Variants in SHANK2 observed in about 807,000 individuals in gnomAD.
SHANK2 encodes SH3 and multiple ankyrin repeat domains 2.
In SHANK2, 43 loss-of-function variants were observed where a neutral mutation model predicts 133.7. The ratio of observed to expected loss-of-function variants is 0.32; its 90% CI spans 0.25 to 0.41. SHANK2 has a LOEUF of 0.41. Among genes scored for constraint, SHANK2 ranks in the 10% least tolerant of loss-of-function variants. The pLI is 1.00. For missense variants in SHANK2, 1,994 were observed against 2,235.8 expected (o/e 0.89, Z 2.18); for synonymous variants, 1,017 against 952.8 (o/e 1.07, Z -1.24).
chr11:70,617,483 ATTTG>A (rs2060765719), intron 17 of SHANK2, among the ~76,000 whole-genome samples: 2 of 89,032 alleles, frequency 2.2e-5, no homozygotes, highest in African/African-American at 7.5e-5. Context: ...GGTGGAGCAG[ATTTG>A]TCAAAACGGG....
intron 17 of SHANK2, among the ~76,000 whole-genome samples, chr11:70,643,913 G>T (rs1555007272): frequency 1.3e-5 from 2 of 151,686 alleles, no homozygotes; most frequent in Non-Finnish European, 2.9e-5. Context: ...GGGACTGCAG[G>T]TGGAGGGGGG....
chr11:70,584,288 G>A (rs951597531), intron 17 of SHANK2, among the ~76,000 whole-genome samples: 11 of 152,134 alleles, frequency 7.2e-5, no homozygotes, highest in African/African-American at 2.7e-4. Context: ...TCTGTGTTCC[G>A]ATCCCGTGTG....
chr11:70,776,474 A>T (rs1947366954), intron 14 of SHANK2, among the ~76,000 whole-genome samples: 1 of 152,146 alleles, frequency 6.6e-6, no homozygotes, highest in Non-Finnish European at 1.5e-5. Context: ...GATGCCAGTG[A>T]TGTTGCTGGT....
intron 22 of SHANK2, 119 bp from the exon 23 acceptor site, chr11:70,490,506 G>A (rs2058871971): frequency 2.4e-6 from 2 of 837,484 alleles, no homozygotes; most frequent in African/African-American, 1.7e-5. Context: ...TGCTTCTGGA[G>A]CCACCTAAAG....
chr11:71,068,515 T>C (rs901027502), intron 9 of SHANK2, among the ~76,000 whole-genome samples: 6 of 152,210 alleles, frequency 3.9e-5, no homozygotes, highest in Non-Finnish European at 8.8e-5. Flanking sequence ...CCACAGGCCA[T>C]GTTCAGGGAG....
At chr11:71,109,520 G>T (rs1387391181) in intron 6 of SHANK2, among the ~76,000 whole-genome samples, 1 of 152,180 alleles carries the variant, frequency 6.6e-6, no homozygotes, top group African/African-American at 2.4e-5. Context: ...TTCCAGCAGG[G>T]GAATAAGATG....
chr11:71,227,480 T>C (rs1019307865), intron 1 of SHANK2, among the ~76,000 whole-genome samples: 4 of 151,744 alleles, frequency 2.6e-5, no homozygotes, highest in African/African-American at 9.7e-5. Context: ...AAAGAGAACA[T>C]TACATAATGT....
At chr11:70,870,839 C>T (rs538407306) in intron 11 of SHANK2, among the ~76,000 whole-genome samples, 2 of 152,176 alleles carry the variant, frequency 1.3e-5, no homozygotes, top group African/African-American at 2.4e-5. Context: ...TGCAGTGGCA[C>T]GATCTCGGCT....
intron 2 of SHANK2, among the ~76,000 whole-genome samples, chr11:71,183,882 T>G (rs539370813): frequency 1.1e-4 from 17 of 152,314 alleles, no homozygotes; most frequent in African/African-American, 4.1e-4. Flanking sequence ...GAAGCTAATG[T>G]AACCTTGTAG....
chr11:71,130,729 G>A (rs1555103521), intron 3 of SHANK2, among the ~76,000 whole-genome samples: 1 of 152,052 alleles, frequency 6.6e-6, no homozygotes. Context: ...TACCCAAGGA[G>A]CCCAGGAAAA....
In SHANK2 at chr11:71,232,169, C is replaced by G. The variant is rs77963759; in HGVS notation, c.-112-7373G>C. 2.8e-3 allele frequency among the ~76,000 whole-genome samples: 424 copies of G among 152,138 alleles called. 3 individuals are homozygous for G. The highest frequency in any genetic ancestry group is 6.8e-3 in the Middle Eastern group (2 of 294). On this transcript the variant is annotated intron_variant, in intron 1 of 25. Coordinates refer to ENST00000601538, the MANE Select transcript of SHANK2 (RefSeq NM_012309.5). ...TTCCATTTCTGTATAATTACTGAAA[C>G]GACAAAATTACAGAGATGGAGAACA...
At chr11:70,828,534 G>A (rs1948679825) in intron 11 of SHANK2, among the ~76,000 whole-genome samples, 1 of 152,260 alleles carries the variant, frequency 6.6e-6, no homozygotes, top group Admixed American at 6.5e-5. Context: ...AGGCTGAACA[G>A]CTTCCAGAAG....
intron 17 of SHANK2, among the ~76,000 whole-genome samples, chr11:70,637,279 G>GC (rs1357593590): frequency 6.6e-6 from 1 of 152,138 alleles, no homozygotes; most frequent in East Asian, 1.9e-4. Context: ...TGAGGGCAGG[G>GC]CCTGCTCTTC....
chr11:70,518,647 C>G (rs150392680), intron 17 of SHANK2, among the ~76,000 whole-genome samples: 2 of 152,146 alleles, frequency 1.3e-5, no homozygotes, highest in Non-Finnish European at 2.9e-5. Flanking sequence ...TGGTCAGAGG[C>G]GGGATTGCAT....
chr11:70,626,106 T>C (rs1261860059), intron 17 of SHANK2, among the ~76,000 whole-genome samples: 1 of 152,078 alleles, frequency 6.6e-6, no homozygotes, highest in Non-Finnish European at 1.5e-5. Flanking sequence ...GCACACACGG[T>C]TGCTAAGAAA....
At chr11:70,671,970 C>G (rs1440413879) in intron 15 of SHANK2, among the ~76,000 whole-genome samples, 1 of 152,112 alleles carries the variant, frequency 6.6e-6, no homozygotes, top group Non-Finnish European at 1.5e-5. Context: ...AAAGTCTCCT[C>G]TGAATTCACT....
chr11:70,526,348 C>T (rs2059395883), intron 17 of SHANK2, among the ~76,000 whole-genome samples: 1 of 152,214 alleles, frequency 6.6e-6, no homozygotes, highest in Non-Finnish European at 1.5e-5. Flanking sequence ...GTGACTTTCT[C>T]CTGACAAGAG....
chr11:70,579,445 G>A (rs2060156627), intron 17 of SHANK2, among the ~76,000 whole-genome samples: 1 of 152,232 alleles, frequency 6.6e-6, no homozygotes, highest in African/African-American at 2.4e-5. Context: ...AGTGGCGCTT[G>A]CAGGCCACCC....
At chr11:70,626,789 C>G (rs947843521) in intron 17 of SHANK2, among the ~76,000 whole-genome samples, 1 of 108,430 alleles carries the variant, frequency 9.2e-6, no homozygotes, top group Non-Finnish European at 2.6e-5. Context: ...TCCAAGGTGG[C>G]CCACCCACAG....
Sources: allele counts gnomAD v4.1 joint callset (sites outside exome capture counted in the v4.1 genomes callset), GRCh38; gene constraint gnomAD v4.1.1; transcripts MANE v1.5; gene names NCBI Gene and HGNC (gene_info 2026-07-23, HGNC 2026-07-21).